The following FHIT variants were observed in gnomAD, a reference collection of about 807,000 sequenced individuals.
FHIT encodes the protein bis(5'-adenosyl)-triphosphatase.
In FHIT, 19 loss-of-function variants were observed where a neutral mutation model predicts 17.9. That is an observed-to-expected ratio of 1.06 (90% CI 0.74 to 1.56). The LOEUF is 1.56. FHIT is among the 40% of genes most tolerant of loss of function. FHIT has a pLI of 0.00. For missense variants in FHIT, 248 were observed against 189.2 expected, an observed-to-expected ratio of 1.31 and a Z score of -1.82; for synonymous variants, 81 against 69.7, an observed-to-expected ratio of 1.16 and a Z score of -0.81.
At chr3:61,105,542 G>T (rs2035965218) in intron 2 of FHIT, among the ~76,000 whole-genome samples, 2 of 151,972 alleles carry the variant, frequency 1.3e-5, no homozygotes, top group African/African-American at 4.8e-5. Flanking sequence ...ATAAAAGTGA[G>T]TGACTTTTTT....
At chr3:60,970,799 A>G (rs1559876662) in intron 3 of FHIT, among the ~76,000 whole-genome samples, 2 of 152,078 alleles carry the variant, frequency 1.3e-5, no homozygotes, top group African/African-American at 4.8e-5. Flanking sequence ...TTATTTTTCA[A>G]GCTTTTTATT....
At chr3:60,331,623 G>A (rs1028756459) in intron 5 of FHIT, among the ~76,000 whole-genome samples, 2 of 152,028 alleles carry the variant, frequency 1.3e-5, no homozygotes, top group Non-Finnish European at 2.9e-5. Context: ...GAGGTGGGTG[G>A]ATCACCTGAG....
intron 5 of FHIT, among the ~76,000 whole-genome samples, chr3:60,353,995 G>C (rs1373594983): frequency 1.3e-5 from 2 of 152,058 alleles, no homozygotes; most frequent in Non-Finnish European, 1.5e-5. Flanking sequence ...AACAAGAAGA[G>C]ATGGCCAGAG....
chr3:60,627,551 G>C (rs2039322512), intron 4 of FHIT, among the ~76,000 whole-genome samples: 1 of 152,070 alleles, frequency 6.6e-6, no homozygotes, highest in Non-Finnish European at 1.5e-5. Flanking sequence ...TGCCACCCAG[G>C]CTGGAGTGCA....
intron 5 of FHIT, among the ~76,000 whole-genome samples, chr3:60,287,962 A>C (rs575488008): frequency 7.3e-6 from 1 of 136,508 alleles, no homozygotes; most frequent in Admixed American, 7.8e-5. Flanking sequence ...AATATTTAGT[A>C]TCTTATACAG....
intron 4 of FHIT, among the ~76,000 whole-genome samples, chr3:60,554,004 T>C (rs1258071098): frequency 6.6e-6 from 1 of 152,024 alleles, no homozygotes; most frequent in Non-Finnish European, 1.5e-5. Flanking sequence ...GGAGAATCGC[T>C]TGAACCCAGT....
intron 5 of FHIT, among the ~76,000 whole-genome samples, chr3:60,071,532 T>G (rs1026988547): frequency 2.0e-5 from 3 of 152,154 alleles, no homozygotes; most frequent in African/African-American, 7.2e-5. Flanking sequence ...TCTCTTTCCA[T>G]GTCTGGCATG....
chr3:60,840,840 G>A (rs528023216), intron 3 of FHIT, among the ~76,000 whole-genome samples: 1 of 152,248 alleles, frequency 6.6e-6, no homozygotes, highest in South Asian at 2.1e-4. Flanking sequence ...TGACTTTATT[G>A]AAGGCACCAT....
intron 2 of FHIT, among the ~76,000 whole-genome samples, chr3:61,160,231 T>G (rs1185206207): frequency 7.9e-6 from 1 of 126,418 alleles, no homozygotes; most frequent in African/African-American, 3.0e-5. Context: ...GGAAGAGAAC[T>G]CAGATATCTG....
intron 2 of FHIT, among the ~76,000 whole-genome samples, chr3:61,149,409 A>C (rs949408351): frequency 1.3e-5 from 2 of 151,854 alleles, no homozygotes; most frequent in African/African-American, 2.4e-5. Context: ...GTAATAAATA[A>C]AAATTAATAA....
At chr3:60,758,248 C>A (rs1553718804) in intron 4 of FHIT, among the ~76,000 whole-genome samples, 1 of 152,168 alleles carries the variant, frequency 6.6e-6, no homozygotes, top group Non-Finnish European at 1.5e-5. Context: ...TCCCCTTTAC[C>A]CTTCAGGAGT....
At chr3:60,768,949 A>G (rs782784499) in intron 4 of FHIT, among the ~76,000 whole-genome samples, 3 of 152,324 alleles carry the variant, frequency 2.0e-5, no homozygotes, top group Admixed American at 6.5e-5. Context: ...ATGAAAATGT[A>G]TACTTCTTGG....
At chr3:59,771,834 C>G (rs1485851234) in intron 8 of FHIT, among the ~76,000 whole-genome samples, 1 of 152,192 alleles carries the variant, frequency 6.6e-6, no homozygotes, top group Non-Finnish European at 1.5e-5. Context: ...CATGTCAGCA[C>G]TTTTTAGAAT....
At chr3:60,795,711 C>T (rs6797903) in intron 4 of FHIT, among the ~76,000 whole-genome samples, 90,282 of 151,954 alleles carry the variant, frequency 0.59, 28,012 homozygotes, top group African/African-American at 0.75. Context: ...GATGGGGTTT[C>T]ACCATGTTAC....
At chr3:61,173,394 G>T (rs1018447906) in intron 2 of FHIT, among the ~76,000 whole-genome samples, 4 of 152,164 alleles carry the variant, frequency 2.6e-5, no homozygotes, top group African/African-American at 7.2e-5. Context: ...GCTTGCCTAA[G>T]AACTAAAAAT....
intron 5 of FHIT, among the ~76,000 whole-genome samples, chr3:60,142,222 C>T (rs1032288778): frequency 1.3e-5 from 2 of 152,104 alleles, no homozygotes; most frequent in Non-Finnish European, 1.5e-5. Context: ...AGACCCTGAA[C>T]AAGTTACATA....
intron 5 of FHIT, among the ~76,000 whole-genome samples, chr3:60,073,465 T>C (rs1435005211): frequency 1.3e-5 from 2 of 152,142 alleles, no homozygotes; most frequent in African/African-American, 4.8e-5. Context: ...CTTTAATGAA[T>C]ATAGGCTCTC....
At chr3:60,968,316 T>C (rs1321952325) in intron 3 of FHIT, among the ~76,000 whole-genome samples, 3 of 152,052 alleles carry the variant, frequency 2.0e-5, no homozygotes, top group African/African-American at 7.2e-5. Context: ...CTGACTAGGG[T>C]CTCTAATATA....
intron 4 of FHIT, among the ~76,000 whole-genome samples, chr3:60,623,597 T>C (rs892432815): frequency 3.3e-5 from 5 of 152,182 alleles, no homozygotes; most frequent in Non-Finnish European, 7.3e-5. Flanking sequence ...AGAGCCTTTA[T>C]GACTTATAAA....
Sources: allele counts gnomAD v4.1 joint callset (sites outside exome capture counted in the v4.1 genomes callset), GRCh38; gene constraint gnomAD v4.1.1; transcripts MANE v1.5; gene names NCBI Gene and HGNC (gene_info 2026-07-23, HGNC 2026-07-21).